Variants in TECRL observed in about 807,000 individuals in gnomAD.
The protein encoded by TECRL is trans-2,3-enoyl-CoA reductase like.
A neutral mutation model predicts 52.8 loss-of-function variants in TECRL; 63 were observed. That is an observed-to-expected ratio of 1.19 (90% CI 0.97 to 1.47). The LOEUF is 1.47. Among genes scored for constraint, TECRL ranks in the 40% most tolerant of loss-of-function variants. The pLI is 0.00. For missense variants in TECRL, 482 were observed against 429.6 expected (o/e 1.12, Z -1.08); for synonymous variants, 164 against 141.9 (o/e 1.16, Z -1.10).
intron 8 of TECRL, among the ~76,000 whole-genome samples, chr4:64,296,260 G>A (rs1723675529): frequency 1.3e-5 from 2 of 151,770 alleles, no homozygotes; most frequent in South Asian, 2.1e-4. Flanking sequence ...TGTTTTAAAA[G>A]CTATGATACA....
chr4:64,358,590 A>G (rs1008632549), intron 2 of TECRL, among the ~76,000 whole-genome samples: 16 of 151,782 alleles, frequency 1.1e-4, no homozygotes, highest in African/African-American at 3.9e-4. Flanking sequence ...ATAATACTTT[A>G]TTCTTTGTAA....
chr4:64,402,936 A>G (rs561204511), intron 1 of TECRL, among the ~76,000 whole-genome samples: 4 of 152,016 alleles, frequency 2.6e-5, no homozygotes, highest in African/African-American at 9.7e-5. Context: ...GTCTAGTTAA[A>G]CTCAATGAAT....
intron 9 of TECRL, 42 bp downstream of exon 9, chr4:64,289,668 C>G: frequency 7.4e-7 from 1 of 1,344,432 alleles, no homozygotes; most frequent in Non-Finnish European, 1.0e-6. Flanking sequence ...TAATTGTTAA[C>G]ATAATTCACT....
intron 9 of TECRL, among the ~76,000 whole-genome samples, 177 bp from the exon 10 acceptor site, chr4:64,281,736 C>A (rs1488317542): frequency 6.6e-6 from 1 of 151,826 alleles, no homozygotes; most frequent in African/African-American, 2.4e-5. Context: ...AATGTTATAA[C>A]CTTTTGACTC....
chr4:64,338,233 A>T (rs1719265233), intron 2 of TECRL, among the ~76,000 whole-genome samples: 1 of 152,246 alleles, frequency 6.6e-6, no homozygotes, highest in Admixed American at 6.5e-5. Context: ...AGCCATATGT[A>T]GAAAGCTGAA....
chr4:64,382,972 C>T (rs1206616093), intron 1 of TECRL, among the ~76,000 whole-genome samples: 4 of 151,996 alleles, frequency 2.6e-5, no homozygotes, highest in African/African-American at 9.7e-5. Context: ...TAGGATCAGT[C>T]TTGTGGTAAT....
chr4:64,286,936 G>A (rs1178915834), intron 9 of TECRL, among the ~76,000 whole-genome samples: 4 of 152,098 alleles, frequency 2.6e-5, no homozygotes, highest in Non-Finnish European at 4.4e-5. Context: ...GGCAATGCTA[G>A]CATTTTATTA....
chr4:64,388,730 G>T (rs1723347923), intron 1 of TECRL, among the ~76,000 whole-genome samples: 1 of 151,440 alleles, frequency 6.6e-6, no homozygotes, highest in African/African-American at 2.4e-5. Flanking sequence ...CCTCATGCTG[G>T]TTATGTAAAT....
At chr4:64,388,211 G>A (rs1470948360) in intron 1 of TECRL, among the ~76,000 whole-genome samples, 4 of 117,886 alleles carry the variant, frequency 3.4e-5, no homozygotes, top group South Asian at 6.0e-4. Context: ...TGTAAGATGA[G>A]TCTAAATCCT....
chr4:64,356,267 A>G (rs2109593186), intron 2 of TECRL, among the ~76,000 whole-genome samples: 1 of 152,200 alleles, frequency 6.6e-6, no homozygotes, highest in East Asian at 1.9e-4. Context: ...GATGCGAAAG[A>G]CCTGACCGTC....
intron 2 of TECRL, among the ~76,000 whole-genome samples, chr4:64,335,955 A>G (rs1479562421): frequency 1.3e-5 from 2 of 152,038 alleles, no homozygotes; most frequent in East Asian, 3.9e-4. Context: ...GATGTTCATC[A>G]TGGATATTGG....
intron 9 of TECRL, among the ~76,000 whole-genome samples, chr4:64,283,987 G>A (rs932683032): frequency 6.6e-6 from 1 of 151,962 alleles, no homozygotes; most frequent in South Asian, 2.1e-4. Context: ...CTGTTCTGGG[G>A]CTGACAGAGA....
chr4:64,357,981 G>C (rs929419895), intron 2 of TECRL, among the ~76,000 whole-genome samples: 2 of 151,462 alleles, frequency 1.3e-5, no homozygotes, highest in African/African-American at 4.8e-5. Flanking sequence ...TAAATAATAA[G>C]TGTGAAAAAA....
intron 1 of TECRL, among the ~76,000 whole-genome samples, chr4:64,385,268 T>C (rs1723096263): frequency 6.6e-6 from 1 of 152,044 alleles, no homozygotes. Context: ...TGGAGTAGTA[T>C]TGTTGTGTGA....
chr4:64,329,808 A>G lies in TECRL; in HGVS notation c.287-1252T>C, dbSNP rs139624352. On this transcript the variant is annotated intron_variant, in intron 2 of 11. Coordinates refer to ENST00000381210, the MANE Select transcript of TECRL (RefSeq NM_001010874.5). ...TACCCCAAATATAGCCGTGATATTA[A>G]AAGTCAAATTAATATACTCAATTAT... 4.0e-4 allele frequency among the ~76,000 whole-genome samples: 61 copies of G among 151,968 alleles called. 1 individual carries two copies. In the East Asian group the frequency reaches 0.011, roughly 28 times the overall value.
intron 7 of TECRL, among the ~76,000 whole-genome samples, chr4:64,303,511 T>C (rs1724139705): frequency 6.6e-6 from 1 of 151,892 alleles, no homozygotes; most frequent in African/African-American, 2.4e-5. Flanking sequence ...TATCTGTATC[T>C]ATGCTATAGA....
intron 1 of TECRL, among the ~76,000 whole-genome samples, chr4:64,386,625 T>A (rs1723194269): frequency 6.6e-6 from 1 of 152,230 alleles, no homozygotes; most frequent in Admixed American, 6.5e-5. Context: ...TTTTAAGCTC[T>A]ATTTTTATGA....
At chr4:64,377,165 A>C (rs971699025) in intron 1 of TECRL, among the ~76,000 whole-genome samples, 38 of 151,998 alleles carry the variant, frequency 2.5e-4, no homozygotes, top group Non-Finnish European at 5.6e-4. Flanking sequence ...TTTGACTTTC[A>C]CTTGTTAGAA....
chr4:64,381,148 C>T lies in TECRL; in HGVS notation c.235-5925G>A, dbSNP rs543939096. On this transcript the variant is annotated intron_variant, in intron 1 of 11. Coordinates refer to ENST00000381210, the MANE Select transcript of TECRL (RefSeq NM_001010874.5). ...TAAATTTATTCAATTTTTTTTGGTA[C>T]CTATTGTAAATGAGATAAAATTATT... Among the ~76,000 whole-genome samples, 181 of 151,784 alleles carry T rather than the reference C, an allele frequency of 1.2e-3. 1 individual carries two copies. The highest frequency in any genetic ancestry group is 4.2e-3 in the African/African-American group (176 of 41,438).
Sources: gnomAD v4.1 joint callset for allele counts (sites outside exome capture counted in the v4.1 genomes callset) on GRCh38, gnomAD v4.1.1 for gene constraint, MANE v1.5 for transcripts, NCBI Gene and HGNC (gene_info 2026-07-23, HGNC 2026-07-21) for gene names.